Variants in SLC18A3 observed in about 807,000 individuals in gnomAD.
The protein encoded by SLC18A3 is solute carrier family 18 member A3.
A neutral mutation model predicts 24.2 loss-of-function variants in SLC18A3; 18 were observed. That is an observed-to-expected ratio of 0.74 (90% CI 0.51 to 1.10). The LOEUF (loss-of-function observed/expected upper bound fraction) is 1.10, where lower values mean the gene tolerates loss of function less well. Ranked by LOEUF, SLC18A3 falls within the 50% of genes least tolerant of loss-of-function variation. The pLI is 0.00. For missense variants in SLC18A3, 744 were observed against 750.7 expected (o/e 0.99, Z 0.10); for synonymous variants, 415 against 355.4 (o/e 1.17, Z -1.89).
chr10:49,611,823 G>C lies in SLC18A3; in HGVS notation c.1083G>C (p.Ala361=), dbSNP rs943388046. The C allele has an allele frequency of 6.2e-7, 1 of 1,603,782 alleles. No homozygotes were observed. ...CACACCTGCAGTGGCTGTACGGCGC[G>C]CTTGGGCTGGCTGTGATCGGCGCCA... ...RYPHLQWLYG[A]LGLAVIGASS... is the part of the protein sequence containing the mutation. The change falls in exon 1 of 1, where the codon GCG becomes GCC. Residue 361 remains alanine (A), a synonymous_variant. Transcript: ENST00000374115.
rs1242764050 is a variant in SLC18A3 at position 49,611,691 on chromosome 10, G to T, written c.951G>T (p.Lys317Asn). ...AACCCACCATTGCCACGTGGATGAA[G>T]CATACGATGGCGGCTTCCGAGTGGG... ...FLEPTIATWM[K>N]HTMAASEWEM... The change falls in exon 1 of 1, where the codon AAG becomes AAT. Residue 317 changes from lysine (K) to asparagine (N), a missense_variant. By Grantham distance (94) the Lys-to-Asn change is moderately conservative (BLOSUM62 0). Transcript: ENST00000374115. 2.5e-6 allele frequency: 4 copies of T among 1,609,836 alleles called. No homozygotes were observed. The South Asian group carries it at 4.4e-5, about 18-fold the overall frequency.
chr10:49,612,265 G>C lies in SLC18A3; in HGVS notation c.1525G>C (p.Gly509Arg), dbSNP rs761075493. The C allele has an allele frequency of 6.2e-7, 1 of 1,610,676 alleles. No homozygotes were observed. The highest frequency in any genetic ancestry group is 1.1e-5 in the South Asian group (1 of 91,044). Reference protein sequence around the residue: ...LRERPVSGQDGEPRSPPGPFD... With the variant: ...LRERPVSGQDREPRSPPGPFD... The stretch of plus-strand genomic sequence containing the variant: ...TGAGCGTCCTGTGTCTGGCCAGGAC[G>C]GCGAGCCTCGCAGCCCGCCTGGCCC... The change falls in exon 1 of 1, where the codon GGC (glycine) becomes CGC (arginine). Residue 509 changes from glycine (G) to arginine (R), a missense_variant. This residue lies in a region of SLC18A3 where 160 missense variants were observed against 140.9 expected (regional missense o/e 1.14). Transcript: ENST00000374115.
Position 49,611,522 on chromosome 10 carries a change from C to T in SLC18A3, c.782C>T (p.Ala261Val), listed in dbSNP as rs372156658. 19 of 1,601,936 alleles carry T rather than the reference C, an allele frequency of 1.2e-5. No individual in the cohort carries two copies. The highest frequency in any genetic ancestry group is 1.6e-5 in the Non-Finnish European group (19 of 1,179,930). ...VSLFDALLLL[A>V]VAKPFSAAAR... ...CTCTTTGACGCGCTGTTGCTGCTGG[C>T]AGTGGCCAAACCCTTCTCGGCGGCT... Residue 261 changes from alanine (A) to valine (V), a missense_variant, in exon 1 of 1, where the codon GCA becomes GTA. This residue lies in a region of SLC18A3 where 566 missense variants were observed against 566.2 expected (regional missense o/e 1.00). Transcript: ENST00000374115.
At position 49,610,777 on chromosome 10, in the gene SLC18A3, G is replaced by C. The variant is rs8187733; in HGVS notation, c.37G>C (p.Ala13Pro). Residue 13 changes from alanine (A) to proline (P), a missense_variant, in exon 1 of 1, where the codon GCG becomes CCG. Coordinates refer to ENST00000374115, the MANE Select transcript of SLC18A3 (RefSeq NM_003055.3). Reference sequence around the variant, plus strand: ...GGAACCTGCGGGCCAGGCCCGGGCGGCGGCCACCAAGCTGTCGGAGGCTGT... The same window carrying C: ...GGAACCTGCGGGCCAGGCCCGGGCGCCGGCCACCAAGCTGTCGGAGGCTGT... ...SAEPAGQARA[A>P]ATKLSEAVGA... The C allele has an allele frequency of 5.6e-4, 881 of 1,565,116 alleles. 3 individuals carry two copies. The African/African-American group carries it at 0.011, about 20-fold the overall frequency.
Position 49,611,358 on chromosome 10 carries a change from G to C in SLC18A3, c.618G>C (p.Glu206Asp). Residue 206 changes from glutamate to aspartate, a missense_variant, in exon 1 of 1, where the codon GAG becomes GAC. Transcript: ENST00000374115. ...GIAMIADKYP[E>D]EPERSRALGV... ...CCATGATCGCCGATAAGTACCCGGA[G>C]GAGCCGGAGCGCAGTCGTGCACTGG... The C allele has an allele frequency of 6.2e-7, 1 of 1,600,590 alleles. No homozygotes were observed. Among genetic ancestry groups the C allele is most frequent in the Non-Finnish European group, 8.5e-7 (1 of 1,179,792 alleles).
chr10:49,611,107 A>C lies in SLC18A3; in HGVS notation c.367A>C (p.Lys123Gln). The C allele has an allele frequency of 6.2e-7, 1 of 1,613,970 alleles. No homozygotes were observed. The highest frequency in any genetic ancestry group is 8.5e-7 in the Non-Finnish European group (1 of 1,179,934). ...PRYPTESEDV[K>Q]IGVLFASKAI... ...CTACCCTACGGAGAGCGAAGACGTG[A>C]AGATCGGGGTGCTGTTTGCTTCCAA... Residue 123 changes from lysine to glutamine, a missense_variant, in exon 1 of 1, where the codon AAG becomes CAG. Physicochemically the swap from Lys to Gln is moderately conservative, Grantham distance 53. This residue lies in a region of SLC18A3 where 566 missense variants were observed against 566.2 expected (regional missense o/e 1.00). Coordinates refer to ENST00000374115, the MANE Select transcript of SLC18A3 (RefSeq NM_003055.3).
rs754806177 is a variant in SLC18A3 at position 49,611,652 on chromosome 10, C to T, written c.912C>T (p.Pro304=). The T allele has an allele frequency of 3.7e-6, 6 of 1,611,804 alleles. No individual in the cohort carries two copies. The African/African-American group carries it at 6.7e-5, about 18-fold the overall frequency. Residue 304 remains proline, a synonymous_variant, in exon 1 of 1, where the codon CCC becomes CCT. Coordinates refer to ENST00000374115, the MANE Select transcript of SLC18A3 (RefSeq NM_003055.3). ...VAGALTTCNI[P]LAFLEPTIAT... ...GCGCGCTCACCACCTGTAACATTCCCCTCGCCTTCCTCGAACCCACCATTG... is the reference window on the plus strand; with the variant it reads ...GCGCGCTCACCACCTGTAACATTCCTCTCGCCTTCCTCGAACCCACCATTG...
Position 49,611,166 on chromosome 10 carries a change from C to T in SLC18A3, c.426C>T (p.Ser142=), listed in dbSNP as rs1202426774. ...AILQLLVNPL[S]GPFIDRMSYD... ...TGCAGCTGCTAGTGAACCCCTTGAG[C>T]GGGCCCTTCATCGACCGCATGAGCT... Residue 142 remains serine (S), a synonymous_variant, in exon 1 of 1, where the codon AGC becomes AGT. Coordinates refer to ENST00000374115, the MANE Select transcript of SLC18A3 (RefSeq NM_003055.3). 2 of 1,614,184 alleles carry T rather than the reference C, an allele frequency of 1.2e-6. No homozygotes were observed. The highest frequency in any genetic ancestry group is 8.5e-7 in the Non-Finnish European group (1 of 1,180,002).
Position 49,611,862 on chromosome 10 carries a change from G to C in SLC18A3, c.1122G>C (p.Val374=), listed in dbSNP as rs899224700. ...LAVIGASSCI[V]PACRSFAPLV... The stretch of plus-strand genomic sequence containing the variant: ...TGATCGGCGCCAGCTCGTGCATCGT[G>C]CCCGCCTGCCGCTCCTTCGCGCCGC... Residue 374 remains valine (V), a synonymous_variant, in exon 1 of 1, where the codon GTG becomes GTC. Coordinates refer to ENST00000374115, the MANE Select transcript of SLC18A3 (RefSeq NM_003055.3). 1.9e-6 allele frequency: 3 copies of C among 1,605,848 alleles called. No individual in the cohort carries two copies. Among genetic ancestry groups the C allele is most frequent in the African/African-American group, 1.3e-5 (1 of 74,944 alleles).
Position 49,612,405 on chromosome 10 carries a change from T to G in SLC18A3, c.*66T>G. On this transcript the variant is annotated 3_prime_UTR_variant, in exon 1 of 1. Transcript: ENST00000374115. ...CAAGGGGGCTGCTCTGCAAGCCCAC[T>G]GGCCAGCTCTGGCTCAGGGCCCACC... 6.8e-7 allele frequency: 1 copy of G among 1,473,650 alleles called. No homozygotes were observed. The highest frequency in any genetic ancestry group is 9.2e-7 in the Non-Finnish European group (1 of 1,091,888). 91.3% of individuals were successfully genotyped at this position (1,473,650 alleles called of 1,614,324 possible).
chr10:49,611,887 C>T lies in SLC18A3; in HGVS notation c.1147C>T (p.Leu383=). 1.2e-6 allele frequency: 2 copies of T among 1,610,530 alleles called. No individual in the cohort carries two copies. Among genetic ancestry groups the T allele is most frequent in the East Asian group, 2.2e-5 (1 of 44,874 alleles). ...GCCCGCCTGCCGCTCCTTCGCGCCGCTAGTGGTCTCACTATGCGGCCTCTG... is the reference window on the plus strand; with the variant it reads ...GCCCGCCTGCCGCTCCTTCGCGCCGTTAGTGGTCTCACTATGCGGCCTCTG... ...IVPACRSFAP[L]VVSLCGLCFG... Residue 383 remains leucine, a synonymous_variant, in exon 1 of 1, where the codon CTA becomes TTA. Coordinates refer to ENST00000374115, the MANE Select transcript of SLC18A3 (RefSeq NM_003055.3).
rs1838272170 is a variant in SLC18A3 at position 49,610,814 on chromosome 10, T to G, written c.74T>G (p.Leu25Arg). ...CTGTCGGAGGCTGTGGGCGCGGCGC[T>G]GCAGGAGCCCCGGCGGCAGAGGCGC... ...TKLSEAVGAA[L>R]QEPRRQRRLV... Residue 25 changes from leucine (L) to arginine (R), a missense_variant, in exon 1 of 1, where the codon CTG becomes CGG. Leu to Arg is a moderately radical substitution (Grantham distance 102). Transcript: ENST00000374115. The G allele has an allele frequency of 6.2e-7, 1 of 1,601,454 alleles. No individual in the cohort carries two copies.
chr10:49,610,733 G>T lies in SLC18A3; in HGVS notation c.-8G>T. On this transcript the variant is annotated 5_prime_UTR_variant, in exon 1 of 1. Transcript: ENST00000374115. ...GAGGCGTCCTCGGAAGAGCATCGGG[G>T]TGGGGGCATGGAATCCGCGGAACCT... 1 of 1,506,392 alleles carries T rather than the reference G, an allele frequency of 6.6e-7. No homozygotes were observed. The highest frequency in any genetic ancestry group is 8.8e-7 in the Non-Finnish European group (1 of 1,130,572). The allele number at this position is 1,506,392 out of a possible 1,614,324, so 93.3% of individuals were successfully genotyped here.
Position 49,610,659 on chromosome 10 carries a change from C to A in SLC18A3, c.-82C>A. ...TCGGCCAGGACAGCCTCCCCGAAGT[C>A]CCGTGCCCTCGCCTCTGCACTGCGG... On this transcript the variant is annotated 5_prime_UTR_variant, in exon 1 of 1. Coordinates refer to ENST00000374115, the MANE Select transcript of SLC18A3 (RefSeq NM_003055.3). 7.3e-7 allele frequency: 1 copy of A among 1,367,832 alleles called. No individual in the cohort carries two copies. Among genetic ancestry groups the A allele is most frequent in the South Asian group, 1.6e-5 (1 of 63,064 alleles). The allele number at this position is 1,367,832 out of a possible 1,614,324, so 84.7% of individuals were successfully genotyped here. A position where few individuals can be genotyped will look rare whatever the true frequency, so the allele number is the denominator to read the frequency against.
In SLC18A3 at chr10:49,612,414, C is replaced by A; in HGVS notation, c.*75C>A. ...TGCTCTGCAAGCCCACTGGCCAGCT[C>A]TGGCTCAGGGCCCACCTCCTCCAGC... On this transcript the variant is annotated 3_prime_UTR_variant, in exon 1 of 1. Coordinates refer to ENST00000374115, the MANE Select transcript of SLC18A3 (RefSeq NM_003055.3). 6.9e-7 allele frequency: 1 copy of A among 1,444,176 alleles called. No individual in the cohort carries two copies. The highest frequency in any genetic ancestry group is 9.4e-7 in the Non-Finnish European group (1 of 1,066,572). The allele number at this position is 1,444,176 out of a possible 1,614,324, so 89.5% of individuals were successfully genotyped here. A position where few individuals can be genotyped will look rare whatever the true frequency, so the allele number is the denominator to read the frequency against.
rs762711074 is a variant in SLC18A3 at position 49,611,469 on chromosome 10, G to A, written c.729G>A (p.Val243=). The A allele has an allele frequency of 6.3e-7, 1 of 1,599,292 alleles. No homozygotes were observed. The highest frequency in any genetic ancestry group is 8.5e-7 in the Non-Finnish European group (1 of 1,179,708). Residue 243 remains valine (V), a synonymous_variant, in exon 1 of 1, where the codon GTG becomes GTA. Coordinates refer to ENST00000374115, the MANE Select transcript of SLC18A3 (RefSeq NM_003055.3). ...GILYEFAGKR[V]PFLVLAAVSL... ...TCTATGAGTTCGCCGGCAAGCGCGTGCCCTTCTTGGTGCTAGCTGCCGTGT... is the reference window on the plus strand; with the variant it reads ...TCTATGAGTTCGCCGGCAAGCGCGTACCCTTCTTGGTGCTAGCTGCCGTGT...
At position 49,611,955 on chromosome 10, in the gene SLC18A3, C is replaced by A; in HGVS notation, c.1215C>A (p.Leu405=). 6.2e-7 allele frequency: 1 copy of A among 1,612,850 alleles called. No homozygotes were observed. The highest frequency in any genetic ancestry group is 8.5e-7 in the Non-Finnish European group (1 of 1,179,366). The change falls in exon 1 of 1, where the codon CTC becomes CTA. Residue 405 remains leucine, a synonymous_variant. Transcript: ENST00000374115. ...ALVDTALLPT[L]AFLVDVRHVS... is the part of the protein sequence containing the mutation. Reference sequence around the variant, plus strand: ...TCGACACAGCACTGCTGCCCACGCTCGCCTTCCTGGTGGACGTGCGCCATG... The same window carrying A: ...TCGACACAGCACTGCTGCCCACGCTAGCCTTCCTGGTGGACGTGCGCCATG...
Position 49,611,697 on chromosome 10 carries a change from G to A in SLC18A3, c.957G>A (p.Thr319=), listed in dbSNP as rs753935510. Residue 319 remains threonine, a synonymous_variant, in exon 1 of 1, where the codon ACG becomes ACA. Transcript: ENST00000374115. The part of the protein sequence containing the change: ...EPTIATWMKH[T]MAASEWEMGM... Reference sequence around the variant, plus strand: ...CCATTGCCACGTGGATGAAGCATACGATGGCGGCTTCCGAGTGGGAGATGG... The same window carrying A: ...CCATTGCCACGTGGATGAAGCATACAATGGCGGCTTCCGAGTGGGAGATGG... 48 of 1,609,396 alleles carry A rather than the reference G, an allele frequency of 3.0e-5. 1 individual carries two copies. The South Asian group carries it at 5.1e-4, about 17-fold the overall frequency.
At position 49,611,261 on chromosome 10, in the gene SLC18A3, A is replaced by T. The variant is rs1441357371; in HGVS notation, c.521A>T (p.Asp174Val). Reference sequence around the variant, plus strand: ...ACAGTCCTGTTCGCCTTCGCCGAGGACTACGCCACGCTGTTCGCGGCGCGC... The same window carrying T: ...ACAGTCCTGTTCGCCTTCGCCGAGGTCTACGCCACGCTGTTCGCGGCGCGC... ...ASTVLFAFAE[D>V]YATLFAARSL... is the part of the protein sequence containing the mutation. Residue 174 changes from aspartate to valine, a missense_variant, in exon 1 of 1, where the codon GAC (aspartate) becomes GTC (valine). By Grantham distance (152) the Asp-to-Val change is radical. Coordinates refer to ENST00000374115, the MANE Select transcript of SLC18A3 (RefSeq NM_003055.3). 6.2e-7 allele frequency: 1 copy of T among 1,612,492 alleles called. No individual in the cohort carries two copies. Among genetic ancestry groups the T allele is most frequent in the Non-Finnish European group, 8.5e-7 (1 of 1,179,990 alleles).
Sources: gnomAD v4.1 joint callset for allele counts on GRCh38, gnomAD v4.1.1 for gene constraint, gnomAD v4.1.1 regional missense constraint, MANE v1.5 for transcripts, NCBI Gene and HGNC (gene_info 2026-07-23, HGNC 2026-07-21) for gene names.